Variants in TENM3 observed in about 807,000 individuals in gnomAD.
The protein encoded by TENM3 is teneurin transmembrane protein 3.
TENM3 carries 63 observed loss-of-function variants against 255.1 expected under a neutral mutation model. That is an observed-to-expected ratio of 0.25 (90% CI 0.20 to 0.30). The LOEUF is 0.30. Among genes scored for constraint, TENM3 ranks in the 10% least tolerant of loss-of-function variants. The pLI is 1.00. For synonymous variants in TENM3, 1,306 were observed against 1,322.3 expected, an observed-to-expected ratio of 0.99 and a Z score of 0.27; for missense variants, 2,929 against 3,461.1, an observed-to-expected ratio of 0.85 and a Z score of 3.86.
At chr4:181,524,953 G>A in the TENM3 span, among the ~76,000 whole-genome samples, 1 of 152,066 alleles carries the variant, frequency 6.6e-6, no homozygotes, top group Non-Finnish European at 1.5e-5. Flanking sequence ...ACTCTCACTG[G>A]GAGCTAAAAA....
At chr4:182,232,912 A>G (rs1362162908) in intron 1 of TENM3, among the ~76,000 whole-genome samples, 1 of 152,188 alleles carries the variant, frequency 6.6e-6, no homozygotes, top group Admixed American at 6.5e-5. Context: ...ATGAGATTTC[A>G]TCACACCACT....
intron 5 of TENM3, among the ~76,000 whole-genome samples, chr4:182,643,823 G>A (rs913004918): frequency 1.3e-5 from 2 of 152,194 alleles, no homozygotes; most frequent in African/African-American, 4.8e-5. Context: ...TGCAAGAAAG[G>A]GAAACTCTAC....
chr4:181,498,662 C>T, the TENM3 span, among the ~76,000 whole-genome samples: 1 of 152,146 alleles, frequency 6.6e-6, no homozygotes, highest in Non-Finnish European at 1.5e-5. Context: ...TACAGAACCA[C>T]ACCTCATACA....
chr4:181,554,243 T>C, the TENM3 span, among the ~76,000 whole-genome samples: 1 of 152,180 alleles, frequency 6.6e-6, no homozygotes. Flanking sequence ...TCTGGACTTT[T>C]GTCTAAGGAC....
rs375760207 is a variant in TENM3, at chr4:182,788,868, A to C, written c.5305-225A>C. Among the ~76,000 whole-genome samples, 4 of 152,318 alleles carry C rather than the reference A, an allele frequency of 2.6e-5. No homozygotes were observed. The East Asian group carries it at 7.7e-4, about 29-fold the overall frequency. ...TTCTTATCAGTTGCTTTAGTTTACA[A>C]AATTTAATTGAAATGGTTTTGAACA... is the stretch of plus-strand genomic sequence containing the variant. On this transcript the variant is annotated intron_variant, in intron 24 of 27. Transcript: ENST00000511685.
chr4:182,572,313 A>G (rs138994852), intron 3 of TENM3, among the ~76,000 whole-genome samples: 95 of 152,348 alleles, frequency 6.2e-4, no homozygotes, highest in African/African-American at 2.2e-3. Context: ...TCTTAAAATG[A>G]GAACATTTTT....
At chr4:182,653,022 A>G (rs115979790) in intron 5 of TENM3, among the ~76,000 whole-genome samples, 1 of 152,146 alleles carries the variant, frequency 6.6e-6, no homozygotes, top group African/African-American at 2.4e-5. Flanking sequence ...TTTAAAACTT[A>G]TGTTTATAGT....
chr4:181,569,636 A>G, the TENM3 span, among the ~76,000 whole-genome samples: 31 of 152,294 alleles, frequency 2.0e-4, no homozygotes, highest in Middle Eastern at 6.8e-3. Context: ...TAAAAGTTGT[A>G]TAGGCCCTAA....
chr4:181,448,956 T>C, the TENM3 span, among the ~76,000 whole-genome samples: 1 of 152,216 alleles, frequency 6.6e-6, no homozygotes, highest in Non-Finnish European at 1.5e-5. Flanking sequence ...ATATACCCTC[T>C]GAGTGTTCAA....
At position 182,802,946 on chromosome 4, in the gene TENM3, T is replaced by G. The variant is rs1384175965; in HGVS notation, c.*2595T>G. ...GTTCTTTTCATTTGCCTTCTTAACTTTATATGTGACCTGAATTTTCCATAA... is the reference window on the plus strand; with the variant it reads ...GTTCTTTTCATTTGCCTTCTTAACTGTATATGTGACCTGAATTTTCCATAA... On this transcript the variant is annotated 3_prime_UTR_variant, in exon 28 of 28. Transcript: ENST00000511685. The G allele has an allele frequency of 1.3e-5, 2 of 152,642 alleles. No homozygotes were observed. Among genetic ancestry groups the G allele is most frequent in the Non-Finnish European group, 1.5e-5 (1 of 68,038 alleles). The allele number at this position is 152,642 out of a possible 1,614,324, so 9.5% of individuals were successfully genotyped here. A position where few individuals can be genotyped will look rare whatever the true frequency, so the allele number is the denominator to read the frequency against.
the TENM3 span, among the ~76,000 whole-genome samples, chr4:181,907,519 G>C: frequency 1.3e-5 from 2 of 152,314 alleles, no homozygotes; most frequent in Admixed American, 6.5e-5. Context: ...TCAGCCCACA[G>C]ACACCGTGGT....
chr4:182,339,499 C>T (rs546222896), intron 2 of TENM3, among the ~76,000 whole-genome samples: 2 of 152,302 alleles, frequency 1.3e-5, no homozygotes, highest in East Asian at 3.9e-4. Flanking sequence ...TCAGGCTCGG[C>T]AGCCAACCTG....
At chr4:182,147,839 T>A (rs1313239469) in intron 1 of TENM3, among the ~76,000 whole-genome samples, 4 of 152,138 alleles carry the variant, frequency 2.6e-5, no homozygotes, top group African/African-American at 9.7e-5. Flanking sequence ...CGTAGGAAAA[T>A]TGAACACATG....
intron 3 of TENM3, among the ~76,000 whole-genome samples, chr4:182,540,619 T>C (rs746732257): frequency 8.5e-5 from 13 of 152,102 alleles, no homozygotes; most frequent in Non-Finnish European, 1.3e-4. Context: ...AAAATATTTA[T>C]CCAGTGAACC....
the TENM3 span, chr4:181,820,018 C>T: frequency 2.0e-5 from 3 of 151,950 alleles, no homozygotes; most frequent in African/African-American, 7.2e-5. Context: ...ATGAATGCAA[C>T]TCTTTAATAA....
the TENM3 span, among the ~76,000 whole-genome samples, chr4:181,521,183 G>A: frequency 2.6e-5 from 4 of 152,204 alleles, no homozygotes; most frequent in South Asian, 4.1e-4. Flanking sequence ...AGACCCTGGC[G>A]CCCTGTCTCT....
chr4:182,032,836 A>C, the TENM3 span, among the ~76,000 whole-genome samples: 2 of 152,030 alleles, frequency 1.3e-5, no homozygotes, highest in African/African-American at 4.8e-5. Context: ...GTTTATTTGC[A>C]TAGAGATGTT....
intron 3 of TENM3, among the ~76,000 whole-genome samples, chr4:182,594,683 GGTGTGTGT>G (rs67667219): frequency 0.041 from 5,706 of 138,138 alleles, 235 homozygotes; most frequent in African/African-American, 0.098. Context: ...TTTTTGTTTT[GGTGTGTGT>G]GTGTGTGTGT....
intron 12 of TENM3, among the ~76,000 whole-genome samples, chr4:182,689,700 A>G (rs1396495743): frequency 1.3e-5 from 2 of 152,192 alleles, no homozygotes; most frequent in Admixed American, 6.5e-5. Flanking sequence ...AAACGAATCG[A>G]CATATTTGCA....
Sources: allele counts gnomAD v4.1 joint callset (sites outside exome capture counted in the v4.1 genomes callset), GRCh38; gene constraint gnomAD v4.1.1; transcripts MANE v1.5; gene names NCBI Gene and HGNC (gene_info 2026-07-23, HGNC 2026-07-21).